NKAIN3: variants seen among roughly 807,000 people sequenced by gnomAD.
The protein encoded by NKAIN3 is sodium/potassium-transporting ATPase subunit beta-1-interacting protein 3.
A neutral mutation model predicts 30.2 loss-of-function variants in NKAIN3; 25 were observed. The ratio of observed to expected loss-of-function variants is 0.83; its 90% CI spans 0.60 to 1.16. The LOEUF (loss-of-function observed/expected upper bound fraction) is 1.16. Ranked by LOEUF, NKAIN3 falls within the 50% of genes most tolerant of loss-of-function variation. The probability of loss-of-function intolerance (pLI) is 0.00; values close to 1 mark genes in which losing one functional copy is unlikely to be tolerated. For synonymous variants in NKAIN3, 91 were observed against 89.6 expected, an observed-to-expected ratio of 1.02 and a Z score of -0.09; for missense variants, 225 against 254.1, an observed-to-expected ratio of 0.89 and a Z score of 0.78.
At chr8:62,870,228 A>G (rs1425396437) in intron 4 of NKAIN3, among the ~76,000 whole-genome samples, 3 of 144,790 alleles carry the variant, frequency 2.1e-5, no homozygotes, top group Non-Finnish European at 1.5e-5. Flanking sequence ...ATCTATATCT[A>G]TATATAGATA....
chr8:62,871,528 CAAT>C (rs1199599921), intron 4 of NKAIN3, among the ~76,000 whole-genome samples: 1 of 151,822 alleles, frequency 6.6e-6, no homozygotes, highest in East Asian at 1.9e-4. Flanking sequence ...TTCAAATGAA[CAAT>C]ATTATTAACT....
At chr8:62,520,644 A>T (rs1324949071) in intron 1 of NKAIN3, among the ~76,000 whole-genome samples, 1 of 152,120 alleles carries the variant, frequency 6.6e-6, no homozygotes, top group Admixed American at 6.6e-5. Context: ...AAAGTATTTG[A>T]AACACTGAAA....
At chr8:62,682,749 A>G (rs1356462603) in intron 3 of NKAIN3, among the ~76,000 whole-genome samples, 1 of 152,058 alleles carries the variant, frequency 6.6e-6, no homozygotes, top group African/African-American at 2.4e-5. Flanking sequence ...TACACAGCAG[A>G]GGCAGCCATA....
chr8:62,595,367 T>TC (rs1810791740), intron 3 of NKAIN3, among the ~76,000 whole-genome samples: 1 of 145,036 alleles, frequency 6.9e-6, no homozygotes, highest in Non-Finnish European at 1.5e-5. Flanking sequence ...ATTTGGGGTT[T>TC]TTTGGGGCTA....
intron 1 of NKAIN3, among the ~76,000 whole-genome samples, chr8:62,258,431 G>A (rs1322120851): frequency 3.3e-5 from 5 of 152,134 alleles, no homozygotes. Context: ...AGGATCCCTT[G>A]AGCCCAGGAG....
intron 1 of NKAIN3, among the ~76,000 whole-genome samples, chr8:62,392,421 T>G (rs1220056113): frequency 6.6e-6 from 1 of 152,068 alleles, no homozygotes; most frequent in Non-Finnish European, 1.5e-5. Flanking sequence ...ATAATTTAAA[T>G]AAGTTTTATT....
At chr8:62,361,032 T>C in intron 1 of NKAIN3, among the ~76,000 whole-genome samples, 1 of 137,652 alleles carries the variant, frequency 7.3e-6, no homozygotes. Context: ...AAAAAAAAAA[T>C]GGCAGAAGGA....
chr8:62,809,510 T>C (rs1015363630), intron 4 of NKAIN3, among the ~76,000 whole-genome samples: 1 of 152,216 alleles, frequency 6.6e-6, no homozygotes, highest in Admixed American at 6.5e-5. Flanking sequence ...GTCCCTCTTT[T>C]TGGGGTCCCT....
chr8:62,528,379 A>G (rs1222767880), intron 1 of NKAIN3, among the ~76,000 whole-genome samples: 1 of 136,698 alleles, frequency 7.3e-6, no homozygotes, highest in Non-Finnish European at 1.6e-5. Context: ...AATAAATGTA[A>G]CACAAAATGT....
Position 62,345,426 on chromosome 8 carries a change from T to TAC in NKAIN3, c.54+96303_54+96304dup, listed in dbSNP as rs370670483. 7.7e-4 allele frequency among the ~76,000 whole-genome samples: 78 copies of TAC among 101,738 alleles called. 5 individuals are homozygous for TAC. The highest frequency in any genetic ancestry group is 2.4e-3 in the East Asian group (8 of 3,386). The allele number at this position is 101,738 out of a possible 152,430, so 66.7% of individuals were successfully genotyped here. ...ACATATATGTATATATACACATATA[T>TAC]ACACATATATGTATATATACACACA... On this transcript the variant is annotated intron_variant, in intron 1 of 6. Coordinates refer to ENST00000623646, the MANE Select transcript of NKAIN3 (RefSeq NM_001304533.3).
In NKAIN3 at chr8:62,983,002, A is replaced by G. The variant is rs1396822476; in HGVS notation, c.*17595A>G. ...AAGTCTAATTTTCTCTCCGGTGTGTAAAACTGACAATACCCACAAGATACT... is the reference window on the plus strand; with the variant it reads ...AAGTCTAATTTTCTCTCCGGTGTGTGAAACTGACAATACCCACAAGATACT... On this transcript the variant is annotated 3_prime_UTR_variant, in exon 7 of 7. Transcript: ENST00000623646. 1 of 152,174 alleles carries G rather than the reference A, an allele frequency of 6.6e-6. No homozygotes were observed. The highest frequency in any genetic ancestry group is 1.5e-5 in the Non-Finnish European group (1 of 68,044). 9.4% of individuals were successfully genotyped at this position (152,174 alleles called of 1,614,324 possible). A position where few individuals can be genotyped will look rare whatever the true frequency, so the allele number is the denominator to read the frequency against.
At chr8:62,369,499 C>T (rs1406066919) in intron 1 of NKAIN3, among the ~76,000 whole-genome samples, 1 of 152,032 alleles carries the variant, frequency 6.6e-6, no homozygotes, top group Non-Finnish European at 1.5e-5. Context: ...CAAAAATAAA[C>T]ATTCTAAATG....
chr8:62,829,536 A>G (rs971529804), intron 4 of NKAIN3, among the ~76,000 whole-genome samples: 2 of 152,204 alleles, frequency 1.3e-5, no homozygotes, highest in Non-Finnish European at 2.9e-5. Flanking sequence ...AGCAAAGGAT[A>G]AATTCTAAAT....
At chr8:62,525,251 C>A (rs2129806173) in intron 1 of NKAIN3, among the ~76,000 whole-genome samples, 1 of 151,874 alleles carries the variant, frequency 6.6e-6, no homozygotes, top group African/African-American at 2.4e-5. Context: ...GAATTGTAAC[C>A]TTTTCAAAAC....
intron 3 of NKAIN3, among the ~76,000 whole-genome samples, chr8:62,719,881 C>T (rs375241264): frequency 6.6e-6 from 1 of 151,572 alleles, no homozygotes; most frequent in African/African-American, 2.4e-5. Flanking sequence ...CTCAGCCTCC[C>T]GAGTAGCTGG....
chr8:62,545,598 C>A lies in NKAIN3; in HGVS notation c.55-33941C>A, dbSNP rs949166197. Among the ~76,000 whole-genome samples the A allele has an allele frequency of 2.0e-5, 3 of 152,158 alleles. No homozygotes were observed. In the East Asian group the frequency reaches 5.8e-4, roughly 29 times the overall value. On this transcript the variant is annotated intron_variant, in intron 1 of 6. Coordinates refer to ENST00000623646, the MANE Select transcript of NKAIN3 (RefSeq NM_001304533.3). The stretch of plus-strand genomic sequence containing the variant: ...TAAATAATGAAATAAATAAATAAAT[C>A]AGCACACCTTCTATCTCACTGCATA...
At chr8:62,931,188 CA>C (rs1822610996) in intron 5 of NKAIN3, among the ~76,000 whole-genome samples, 1 of 152,080 alleles carries the variant, frequency 6.6e-6, no homozygotes, top group Admixed American at 6.6e-5. Flanking sequence ...GCTAATCCAG[CA>C]AATCTAATAA....
chr8:62,439,277 G>T (rs1371829283), intron 1 of NKAIN3, among the ~76,000 whole-genome samples: 1 of 152,208 alleles, frequency 6.6e-6, no homozygotes, highest in African/African-American at 2.4e-5. Context: ...CTACAGGGAA[G>T]ACTCTGGTAA....
chr8:62,707,753 G>C (rs1814581063), intron 3 of NKAIN3, among the ~76,000 whole-genome samples: 1 of 152,024 alleles, frequency 6.6e-6, no homozygotes. Context: ...ATTTATCTTT[G>C]TTTTTGATGC....
Sources: gnomAD v4.1 joint callset for allele counts (sites outside exome capture counted in the v4.1 genomes callset) on GRCh38, gnomAD v4.1.1 for gene constraint, MANE v1.5 for transcripts, NCBI Gene and HGNC (gene_info 2026-07-23, HGNC 2026-07-21) for gene names.